The following TXLNB variants were observed in gnomAD, a reference collection of about 807,000 sequenced individuals.
TXLNB encodes beta-taxilin.
A neutral mutation model predicts 57.4 loss-of-function variants in TXLNB; 37 were observed. That is an observed-to-expected ratio of 0.64 (90% CI 0.50 to 0.85). TXLNB has a LOEUF of 0.85. TXLNB is among the 40% of genes least tolerant of loss of function. The pLI, the probability that TXLNB is intolerant of heterozygous loss-of-function variation, is 0.00. For synonymous variants in TXLNB, 302 were observed against 309.6 expected (o/e 0.98, Z 0.26); for missense variants, 848 against 825.6 (o/e 1.03, Z -0.33).
intron 4 of TXLNB, among the ~76,000 whole-genome samples, chr6:139,266,074 T>G (rs1467372929): frequency 6.6e-6 from 1 of 152,164 alleles, no homozygotes; most frequent in Non-Finnish European, 1.5e-5. Context: ...GAGACAAAGT[T>G]TATGGTTTGA....
At chr6:139,264,037 T>G (rs1776552097) in intron 4 of TXLNB, among the ~76,000 whole-genome samples, 1 of 152,190 alleles carries the variant, frequency 6.6e-6, no homozygotes, top group Non-Finnish European at 1.5e-5. Flanking sequence ...ACAACACATT[T>G]CCCAACTCTA....
the TXLNB span, among the ~76,000 whole-genome samples, chr6:139,173,847 A>G: frequency 6.6e-6 from 1 of 152,218 alleles, no homozygotes; most frequent in East Asian, 1.9e-4. Context: ...TTCCTAAATT[A>G]GATGTGGTGA....
At chr6:139,289,883 G>A (rs1187105174) in intron 1 of TXLNB, among the ~76,000 whole-genome samples, 1 of 152,144 alleles carries the variant, frequency 6.6e-6, no homozygotes, top group African/African-American at 2.4e-5. Flanking sequence ...ACATCTCTAA[G>A]CTCTATTTGA....
chr6:139,217,883 A>G, the TXLNB span, among the ~76,000 whole-genome samples: 117 of 151,136 alleles, frequency 7.7e-4, 2 homozygotes, highest in Admixed American at 4.6e-3. Context: ...AAAAAAAAAA[A>G]AAAAGAAAAA....
At chr6:139,321,860 C>T in the TXLNB span, among the ~76,000 whole-genome samples, 3 of 152,104 alleles carry the variant, frequency 2.0e-5, no homozygotes, top group African/African-American at 7.2e-5. Context: ...TCTCGATCTC[C>T]TGACCTCGTG....
intron 2 of TXLNB, 107 bp from the exon 3 acceptor site, chr6:139,277,028 G>A: frequency 1.3e-6 from 1 of 751,264 alleles, no homozygotes. Context: ...CCTTGGCTAA[G>A]CCATTCATCT....
chr6:139,225,960 G>A, the TXLNB span, among the ~76,000 whole-genome samples: 5 of 152,056 alleles, frequency 3.3e-5, no homozygotes, highest in Non-Finnish European at 5.9e-5. Flanking sequence ...TGTGGTATTG[G>A]TGCAAGGATA....
At chr6:139,258,057 G>A (rs1343509702) in intron 6 of TXLNB, among the ~76,000 whole-genome samples, 3 of 152,132 alleles carry the variant, frequency 2.0e-5, no homozygotes, top group Non-Finnish European at 2.9e-5. Context: ...ATGCAGCTTT[G>A]TTGTGATTGG....
the TXLNB span, among the ~76,000 whole-genome samples, chr6:139,159,581 G>T: frequency 6.6e-6 from 1 of 152,184 alleles, no homozygotes; most frequent in Non-Finnish European, 1.5e-5. Context: ...GAATCTAGGA[G>T]ACCTGGCTGG....
At chr6:139,311,442 A>AAC in the TXLNB span, among the ~76,000 whole-genome samples, 1,175 of 144,304 alleles carry the variant, frequency 8.1e-3, 13 homozygotes, top group African/African-American at 0.029. Flanking sequence ...TTTGGTGATG[A>AAC]AACTGTAACT....
chr6:139,254,641 C>T (rs1388146757), intron 7 of TXLNB, among the ~76,000 whole-genome samples: 1 of 151,940 alleles, frequency 6.6e-6, no homozygotes, highest in East Asian at 1.9e-4. Context: ...CAGAATGGTC[C>T]CCCCTTTTTT....
upstream of TXLNB, among the ~76,000 whole-genome samples, chr6:139,292,618 C>G (rs72990550): frequency 6.6e-6 from 1 of 152,042 alleles, no homozygotes; most frequent in African/African-American, 2.4e-5. This position sits in a 1 kb window ranked among gnomAD's most constrained non-coding sequence, Gnocchi z 4.0. Flanking sequence ...TCTTCATGCA[C>G]GTGGTAATTG....
chr6:139,166,687 C>G, the TXLNB span: 1 of 1,613,220 alleles, frequency 6.2e-7, no homozygotes, highest in Non-Finnish European at 8.5e-7. Context: ...CAAAAAAGTG[C>G]AGGCCCCCAA....
the TXLNB span, among the ~76,000 whole-genome samples, chr6:139,300,733 T>G: frequency 6.6e-6 from 1 of 152,106 alleles, no homozygotes; most frequent in Non-Finnish European, 1.5e-5. Flanking sequence ...GCGTCTCTAC[T>G]AAAAATACAA....
At chr6:139,202,227 A>G in the TXLNB span, among the ~76,000 whole-genome samples, 1 of 152,216 alleles carries the variant, frequency 6.6e-6, no homozygotes, top group African/African-American at 2.4e-5. Flanking sequence ...CATTTCAGTG[A>G]TGCAAATCAT....
At chr6:139,166,352 C>G in the TXLNB span, 2 of 1,614,062 alleles carry the variant, frequency 1.2e-6, no homozygotes, top group Non-Finnish European at 1.7e-6. Flanking sequence ...GGACGACTAC[C>G]AGAAGGTGGT....
chr6:139,243,218 G>A lies in TXLNB; in HGVS notation c.1363C>T (p.His455Tyr), dbSNP rs1775994686. The part of the protein sequence containing the change: ...RALQEERNEL[H>Y]KKIRDAEISE... ...ATTTCTGCGTCTCTGATTTTTTTGT[G>A]GAGTTCGTTTCTCTCTTCTTGTAAA... The change falls in exon 10 of 10, where the codon CAC becomes TAC. Residue 455 changes from histidine to tyrosine, a missense_variant. Transcript: ENST00000358430. The A allele has an allele frequency of 6.2e-7, 1 of 1,613,834 alleles. No homozygotes were observed. The highest frequency in any genetic ancestry group is 8.5e-7 in the Non-Finnish European group (1 of 1,180,018).
chr6:139,282,977 G>T (rs982725140), intron 2 of TXLNB: 2 of 145,460 alleles, frequency 1.4e-5, no homozygotes, highest in African/African-American at 2.5e-5. Context: ...TGTTGTCAAA[G>T]AAGTGATAAA....
intron 3 of TXLNB, among the ~76,000 whole-genome samples, chr6:139,272,966 G>A (rs1161027507): frequency 4.6e-5 from 7 of 152,096 alleles, no homozygotes; most frequent in Non-Finnish European, 8.8e-5. Context: ...CCTGGGAGGC[G>A]GAGGTTGCAG....
Sources: gnomAD v4.1 joint callset for allele counts (sites outside exome capture counted in the v4.1 genomes callset) on GRCh38, gnomAD v4.1.1 for gene constraint, Gnocchi (gnomAD v3.1) non-coding constraint, MANE v1.5 for transcripts, NCBI Gene and HGNC (gene_info 2026-07-23, HGNC 2026-07-21) for gene names.